ZFHX3: variants seen among roughly 807,000 people sequenced by gnomAD.
ZFHX3 encodes the protein zinc finger homeobox 3, also known as zinc finger homeobox protein 3.
ZFHX3 carries 42 observed loss-of-function variants against 279.1 expected under a neutral mutation model. That is an observed-to-expected ratio of 0.15 (90% CI 0.12 to 0.19). The LOEUF is 0.19. Ranked by LOEUF, ZFHX3 falls within the 10% of genes least tolerant of loss-of-function variation. ZFHX3 has a pLI of 1.00. For synonymous variants in ZFHX3, 2,293 were observed against 1,957.8 expected (o/e 1.17, Z -4.52); for missense variants, 4,981 against 4,754.0 (o/e 1.05, Z -1.40).
intron 2 of ZFHX3, among the ~76,000 whole-genome samples, chr16:73,583,212 C>T (rs1324623224): frequency 6.6e-6 from 1 of 152,174 alleles, no homozygotes; most frequent in African/African-American, 2.4e-5. Flanking sequence ...CATCCCTCTT[C>T]CCCAAGAAAT....
intron 1 of ZFHX3, among the ~76,000 whole-genome samples, chr16:73,841,930 CACAGTCA>C (rs1246399246): frequency 0.014 from 2,178 of 151,984 alleles, 54 homozygotes; most frequent in African/African-American, 0.049. Context: ...AAACAATGAT[CACAGTCA>C]GGTGCGGTGG....
chr16:73,355,650 G>A (rs1026934459), intron 3 of ZFHX3, among the ~76,000 whole-genome samples: 5 of 152,216 alleles, frequency 3.3e-5, no homozygotes, highest in African/African-American at 1.2e-4. Flanking sequence ...CTGAGGCACA[G>A]CAGGGAGGAC....
chr16:72,874,663 CCT>C (rs1338960017), intron 4 of ZFHX3, among the ~76,000 whole-genome samples: 1 of 151,878 alleles, frequency 6.6e-6, no homozygotes, highest in South Asian at 2.1e-4. Flanking sequence ...AAAAATGAAA[CCT>C]CTTTTTTTTT....
intron 4 of ZFHX3, among the ~76,000 whole-genome samples, chr16:72,869,114 G>A (rs1249413045): frequency 6.6e-6 from 1 of 152,218 alleles, no homozygotes; most frequent in East Asian, 1.9e-4. Context: ...CGGAAAGGAA[G>A]GCAGGAAGGA....
At chr16:73,078,998 C>T (rs759720227) in intron 8 of ZFHX3, among the ~76,000 whole-genome samples, 1 of 152,078 alleles carries the variant, frequency 6.6e-6, no homozygotes, top group Non-Finnish European at 1.5e-5. Flanking sequence ...TGTCACATTA[C>T]CTTATGGTGC....
In ZFHX3 at chr16:72,797,387, G is replaced by A. The variant is rs772945220; in HGVS notation, c.5295C>T (p.Ala1765=). The change falls in exon 9 of 10, where the codon GCC becomes GCT. Residue 1765 remains alanine (A), a synonymous_variant. Coordinates refer to ENST00000268489, the MANE Select transcript of ZFHX3 (RefSeq NM_006885.4). The stretch of plus-strand genomic sequence containing the variant: ...GGTTAAACAGCTGAGACTGGATCAG[G>A]GCAGCCTGTTGCTGCAGCTCCTGCT... ...HLQQELQQQA[A]LIQSQLFNPT... 6.2e-7 allele frequency: 1 copy of A among 1,607,610 alleles called. No individual in the cohort carries two copies. The highest frequency in any genetic ancestry group is 8.5e-7 in the Non-Finnish European group (1 of 1,177,308).
At chr16:73,680,284 A>G (rs1007647568) in intron 1 of ZFHX3, 3 of 152,234 alleles carry the variant, frequency 2.0e-5, no homozygotes, top group African/African-American at 7.2e-5. Flanking sequence ...GATCTAGAAA[A>G]ATATCAATCA....
chr16:72,847,564 C>A (rs985339346), intron 4 of ZFHX3, among the ~76,000 whole-genome samples: 1 of 152,032 alleles, frequency 6.6e-6, no homozygotes, highest in African/African-American at 2.4e-5. Flanking sequence ...GGCAGCTGAT[C>A]CACACACAGC....
chr16:73,270,206 GGAC>G (rs2014102859), intron 4 of ZFHX3, among the ~76,000 whole-genome samples: 1 of 152,026 alleles, frequency 6.6e-6, no homozygotes, highest in Admixed American at 6.6e-5. Context: ...ATTTTCCTAA[GGAC>G]TAATGATACT....
chr16:72,865,530 C>T (rs2037996738), intron 4 of ZFHX3, among the ~76,000 whole-genome samples: 1 of 152,226 alleles, frequency 6.6e-6, no homozygotes, highest in South Asian at 2.1e-4. Context: ...CTTGTCCCCA[C>T]CCAATGTGCC....
chr16:73,296,745 A>G (rs1258305047), intron 4 of ZFHX3, among the ~76,000 whole-genome samples: 1 of 152,176 alleles, frequency 6.6e-6, no homozygotes, highest in Non-Finnish European at 1.5e-5. Flanking sequence ...ACTACTAATA[A>G]TGATATTGAC....
intron 5 of ZFHX3, among the ~76,000 whole-genome samples, chr16:73,148,807 T>A (rs1242248926): frequency 6.6e-6 from 1 of 151,122 alleles, no homozygotes. Flanking sequence ...ATTAGTCAGG[T>A]GTGGTGCCAT....
chr16:73,483,351 A>AAGAGAGAGAGAGAAAG (rs2018907180), intron 2 of ZFHX3: 1 of 400,224 alleles, frequency 2.5e-6, no homozygotes, highest in African/African-American at 2.1e-5. Flanking sequence ...GAGAGAGAGA[A>AAGAGAGAGAGAGAAAG]AGAGAGAGAG....
intron 4 of ZFHX3, among the ~76,000 whole-genome samples, chr16:72,843,379 C>T (rs942563090): frequency 2.2e-4 from 33 of 152,064 alleles, no homozygotes; most frequent in Admixed American, 3.9e-4. Context: ...GGCGTGGTGG[C>T]GGGCGCCTGT....
chr16:73,489,706 G>A lies in ZFHX3; in HGVS notation c.-1546-33448C>T, dbSNP rs1211055778. Among the ~76,000 whole-genome samples, 5 of 151,960 alleles carry A rather than the reference G, an allele frequency of 3.3e-5. No homozygotes were observed. The East Asian group carries it at 9.6e-4, about 29-fold the overall frequency. ...ATAATCTCTCCTTACTTTTTTTAAA[G>A]AGTAGAATTATGTAGAAAAAAATCA... On this transcript the variant is annotated intron_variant, in intron 2 of 17. Transcript: ENST00000641206.
intron 5 of ZFHX3, among the ~76,000 whole-genome samples, chr16:72,824,314 T>G: frequency 6.6e-6 from 1 of 152,180 alleles, no homozygotes; most frequent in South Asian, 2.1e-4. Flanking sequence ...CTTCCTTTAA[T>G]AGCAATCTTC....
intron 2 of ZFHX3, among the ~76,000 whole-genome samples, chr16:73,596,258 C>T (rs1197572965): frequency 6.6e-6 from 1 of 152,080 alleles, no homozygotes; most frequent in Non-Finnish European, 1.5e-5. Flanking sequence ...CTCCTGACTT[C>T]GTGATCCACC....
chr16:73,645,319 T>G (rs1265363412), intron 2 of ZFHX3, among the ~76,000 whole-genome samples: 1 of 152,196 alleles, frequency 6.6e-6, no homozygotes, highest in South Asian at 2.1e-4. Flanking sequence ...GCAAGTGGCA[T>G]GATCTCGGCT....
rs370799319 is a variant in ZFHX3 at position 73,366,624 on chromosome 16, A to G, written c.-1290-48288T>C. On this transcript the variant is annotated intron_variant, in intron 3 of 17. Transcript: ENST00000641206. ...AAAAAAAAGAGAGAAAGAGAGAGACAGATAAGCAACTCCATGGAGCAATGG... is the reference window on the plus strand; with the variant it reads ...AAAAAAAAGAGAGAAAGAGAGAGACGGATAAGCAACTCCATGGAGCAATGG... Among the ~76,000 whole-genome samples, 294 of 151,252 alleles carry G rather than the reference A, an allele frequency of 1.9e-3. 9 individuals are homozygous for G. The South Asian group carries it at 0.059, about 30-fold the overall frequency.
Sources: gnomAD v4.1 joint callset for allele counts (sites outside exome capture counted in the v4.1 genomes callset) on GRCh38, gnomAD v4.1.1 for gene constraint, MANE v1.5 for transcripts, NCBI Gene and HGNC (gene_info 2026-07-23, HGNC 2026-07-21) for gene names.